GRID2: variants seen among roughly 807,000 people sequenced by gnomAD.
GRID2 encodes glutamate receptor ionotropic, delta-2.
GRID2 carries 33 observed loss-of-function variants against 114.8 expected under a neutral mutation model. That is an observed-to-expected ratio of 0.29 (90% confidence interval 0.22 to 0.38). GRID2 has a LOEUF of 0.38. GRID2 is among the 10% of genes least tolerant of loss of function. The probability of loss-of-function intolerance (pLI) is 1.00; values close to 1 mark genes in which losing one functional copy is unlikely to be tolerated. For missense variants in GRID2, 1,184 were observed against 1,257.7 expected, an observed-to-expected ratio of 0.94 and a Z score of 0.89; for synonymous variants, 505 against 449.9, an observed-to-expected ratio of 1.12 and a Z score of -1.55.
chr4:92,384,534 T>A (rs1291881804), intron 1 of GRID2, among the ~76,000 whole-genome samples: 1 of 45,888 alleles, frequency 2.2e-5, no homozygotes, highest in African/African-American at 7.8e-5. Flanking sequence ...ATATAATATA[T>A]AATATAATAT....
intron 2 of GRID2, among the ~76,000 whole-genome samples, chr4:92,746,931 T>C (rs1737175908): frequency 6.6e-6 from 1 of 152,242 alleles, no homozygotes; most frequent in Non-Finnish European, 1.5e-5. Flanking sequence ...GGTAAGTTAT[T>C]TGTAGAGCAG....
chr4:93,042,625 C>CTCTA (rs1553971616), intron 2 of GRID2, among the ~76,000 whole-genome samples: 200 of 135,966 alleles, frequency 1.5e-3, no homozygotes, highest in Non-Finnish European at 2.6e-3. Context: ...CTCTCTCTCT[C>CTCTA]TATATATATA....
chr4:92,771,160 T>C (rs1738524618), intron 2 of GRID2, among the ~76,000 whole-genome samples: 2 of 152,198 alleles, frequency 1.3e-5, no homozygotes, highest in African/African-American at 4.8e-5. Flanking sequence ...AAACACATTC[T>C]TTATTAATCT....
At chr4:92,313,081 ATGTGTGTGTGTG>A (rs144557382) in intron 1 of GRID2, among the ~76,000 whole-genome samples, 68 of 145,214 alleles carry the variant, frequency 4.7e-4, no homozygotes, top group East Asian at 8.2e-4. Context: ...AAACTCTGAT[ATGTGTGTGTGTG>A]TGTGTGTGTG....
chr4:93,048,833 G>A (rs907319019), intron 2 of GRID2, among the ~76,000 whole-genome samples: 2 of 151,976 alleles, frequency 1.3e-5, no homozygotes, highest in African/African-American at 2.4e-5. Context: ...TTCCTTTTCC[G>A]GAGCATGATT....
At chr4:93,187,843 A>G (rs1241476183) in intron 4 of GRID2, among the ~76,000 whole-genome samples, 1 of 152,230 alleles carries the variant, frequency 6.6e-6, no homozygotes, top group African/African-American at 2.4e-5. Context: ...CCAAAATGTA[A>G]TGTTGCAAAC....
At chr4:92,647,213 T>A (rs1731690344) in intron 2 of GRID2, among the ~76,000 whole-genome samples, 1 of 152,180 alleles carries the variant, frequency 6.6e-6, no homozygotes, top group Non-Finnish European at 1.5e-5. Context: ...GATAGGGTTA[T>A]GGGGATTAAA....
chr4:93,248,825 G>T (rs1391824177), intron 8 of GRID2, among the ~76,000 whole-genome samples: 1 of 152,094 alleles, frequency 6.6e-6, no homozygotes, highest in Non-Finnish European at 1.5e-5. Context: ...GGTTACTGAT[G>T]CTTGTATTGC....
intron 4 of GRID2, among the ~76,000 whole-genome samples, chr4:93,149,912 A>G (rs1263674996): frequency 6.6e-6 from 1 of 152,082 alleles, no homozygotes; most frequent in Non-Finnish European, 1.5e-5. Flanking sequence ...CTGGGATTAC[A>G]GGTGTGGGTC....
intron 8 of GRID2, among the ~76,000 whole-genome samples, chr4:93,385,290 T>C (rs1395336255): frequency 6.6e-6 from 1 of 152,164 alleles, no homozygotes; most frequent in Non-Finnish European, 1.5e-5. Flanking sequence ...AAAACCTGAA[T>C]AAGAAACCCT....
At chr4:93,753,920 G>T (rs979042491) in intron 14 of GRID2, among the ~76,000 whole-genome samples, 2 of 152,158 alleles carry the variant, frequency 1.3e-5, no homozygotes, top group Non-Finnish European at 2.9e-5. Context: ...GGATCACTTA[G>T]TGATGGGGAT....
chr4:92,918,535 G>A lies in GRID2; in HGVS notation c.245-166460G>A, dbSNP rs573486762. Among the ~76,000 whole-genome samples the A allele has an allele frequency of 3.9e-5, 6 of 152,068 alleles. No homozygotes were observed. In the South Asian group the frequency reaches 6.2e-4, roughly 16 times the overall value. Reference sequence around the variant, plus strand: ...TTTTGAGATATGTCCCATCAATACCGAATTTATGGAGAGTTTTTAGCATGA... The same window carrying A: ...TTTTGAGATATGTCCCATCAATACCAAATTTATGGAGAGTTTTTAGCATGA... On this transcript the variant is annotated intron_variant, in intron 2 of 15. Coordinates refer to ENST00000282020, the MANE Select transcript of GRID2 (RefSeq NM_001510.4).
chr4:92,979,352 A>G (rs1028852441), intron 2 of GRID2, among the ~76,000 whole-genome samples: 1 of 152,068 alleles, frequency 6.6e-6, no homozygotes, highest in African/African-American at 2.4e-5. Flanking sequence ...TATTATAATT[A>G]TAATAAACAG....
chr4:93,050,181 A>G (rs1201034797), intron 2 of GRID2, among the ~76,000 whole-genome samples: 1 of 152,106 alleles, frequency 6.6e-6, no homozygotes, highest in Non-Finnish European at 1.5e-5. Flanking sequence ...ATAGCCCTGC[A>G]AATTGCAGAA....
intron 8 of GRID2, among the ~76,000 whole-genome samples, chr4:93,273,461 C>A: frequency 1.4e-5 from 1 of 69,924 alleles, no homozygotes; most frequent in African/African-American, 1.1e-4. Context: ...AGAATAATAT[C>A]CCCCCCCCCA....
chr4:93,289,771 G>C (rs17020331), intron 8 of GRID2, among the ~76,000 whole-genome samples: 3,755 of 152,072 alleles, frequency 0.025, 167 homozygotes, highest in African/African-American at 0.084. Context: ...TGGTATGTCC[G>C]CTTCTTGTTC....
chr4:93,233,224 A>G lies in GRID2; in HGVS notation c.1126-5147A>G, dbSNP rs149776916. Among the ~76,000 whole-genome samples the G allele has an allele frequency of 4.9e-3, 740 of 152,276 alleles. 7 individuals are homozygous for G. The highest frequency in any genetic ancestry group is 0.017 in the African/African-American group (713 of 41,568). On this transcript the variant is annotated intron_variant, in intron 7 of 15. Transcript: ENST00000282020. ...AGCCAGAATAGAGACATGGCTTCTAATTAGCTAAAAGGGGGAAAGACCATC... is the reference window on the plus strand; with the variant it reads ...AGCCAGAATAGAGACATGGCTTCTAGTTAGCTAAAAGGGGGAAAGACCATC...
chr4:92,843,209 T>G (rs1244559765), intron 2 of GRID2, among the ~76,000 whole-genome samples: 1 of 151,936 alleles, frequency 6.6e-6, no homozygotes, highest in Non-Finnish European at 1.5e-5. Context: ...ACCACTGCAC[T>G]CCAGCCTGGG....
intron 8 of GRID2, among the ~76,000 whole-genome samples, chr4:93,278,052 T>A (rs1335742781): frequency 6.6e-6 from 1 of 151,790 alleles, no homozygotes; most frequent in Non-Finnish European, 1.5e-5. Flanking sequence ...CTGAAGAAAA[T>A]GAGCAGATAA....
Sources: allele counts gnomAD v4.1 joint callset (sites outside exome capture counted in the v4.1 genomes callset), GRCh38; gene constraint gnomAD v4.1.1; transcripts MANE v1.5; gene names NCBI Gene and HGNC (gene_info 2026-07-23, HGNC 2026-07-21).